The following SHTN1 variants were observed in gnomAD, a reference collection of about 807,000 sequenced individuals.
SHTN1 encodes the protein shootin 1, also known as shootin-1.
A neutral mutation model predicts 83.1 loss-of-function variants in SHTN1; 42 were observed. That is an observed-to-expected ratio of 0.51 (90% confidence interval 0.39 to 0.65). The LOEUF (loss-of-function observed/expected upper bound fraction) is 0.65. Ranked by LOEUF, SHTN1 falls within the 30% of genes least tolerant of loss-of-function variation. SHTN1 has a pLI of 0.00. For synonymous variants in SHTN1, 224 were observed against 247.7 expected (o/e 0.90, Z 0.90); for missense variants, 622 against 737.8 (o/e 0.84, Z 1.82).
intron 1 of SHTN1, among the ~76,000 whole-genome samples, chr10:117,073,058 T>C (rs911134712): frequency 6.6e-6 from 1 of 152,034 alleles, no homozygotes; most frequent in Admixed American, 6.6e-5. Flanking sequence ...CTTACAGAAA[T>C]GCAAAATGCT....
intron 9 of SHTN1, among the ~76,000 whole-genome samples, chr10:116,932,263 G>A (rs1350914047): frequency 6.6e-6 from 1 of 152,180 alleles, no homozygotes; most frequent in African/African-American, 2.4e-5. Flanking sequence ...TAGGAACCAG[G>A]CTGCACAGAA....
intron 1 of SHTN1, among the ~76,000 whole-genome samples, chr10:117,064,867 C>G (rs1852952918): frequency 1.3e-5 from 2 of 152,136 alleles, no homozygotes; most frequent in African/African-American, 4.8e-5. Context: ...GTTTCTGAAG[C>G]TGAACTATGC....
chr10:117,095,071 G>A (rs1853485939), intron 1 of SHTN1, among the ~76,000 whole-genome samples: 1 of 152,132 alleles, frequency 6.6e-6, no homozygotes, highest in Non-Finnish European at 1.5e-5. Flanking sequence ...TCGGGCCTTG[G>A]CTTTTTGTGT....
chr10:117,074,293 G>A (rs1853124491), intron 1 of SHTN1, among the ~76,000 whole-genome samples: 1 of 152,034 alleles, frequency 6.6e-6, no homozygotes, highest in Non-Finnish European at 1.5e-5. Flanking sequence ...CTGTGACAGG[G>A]TGCACTCCTT....
intron 15 of SHTN1, among the ~76,000 whole-genome samples, chr10:116,904,232 C>G (rs768353139): frequency 2.0e-5 from 3 of 152,226 alleles, no homozygotes; most frequent in Non-Finnish European, 4.4e-5. Context: ...CCTCTGTCAC[C>G]TGACTCCCAA....
intron 1 of SHTN1, among the ~76,000 whole-genome samples, chr10:116,998,929 C>T (rs1306379238): frequency 6.6e-6 from 1 of 152,044 alleles, no homozygotes; most frequent in African/African-American, 2.4e-5. Flanking sequence ...TATGTGTAAC[C>T]ATCCATACCT....
chr10:116,895,411 A>G (rs1373454820), intron 16 of SHTN1, among the ~76,000 whole-genome samples: 2 of 152,210 alleles, frequency 1.3e-5, no homozygotes, highest in Non-Finnish European at 2.9e-5. Context: ...AAAAAATTGA[A>G]ATAATTTCTT....
intron 1 of SHTN1, among the ~76,000 whole-genome samples, chr10:116,989,017 C>T (rs1018053276): frequency 6.6e-6 from 1 of 152,026 alleles, no homozygotes; most frequent in Admixed American, 6.5e-5. Context: ...TCCCACAATT[C>T]CATTTTCAAG....
intron 2 of SHTN1, among the ~76,000 whole-genome samples, chr10:117,021,749 A>G (rs1254701523): frequency 6.6e-6 from 1 of 152,218 alleles, no homozygotes; most frequent in African/African-American, 2.4e-5. Flanking sequence ...TTATAATACC[A>G]AAAACTAGAA....
At chr10:116,979,908 G>A (rs527249273) in intron 1 of SHTN1, among the ~76,000 whole-genome samples, 1 of 152,162 alleles carries the variant, frequency 6.6e-6, no homozygotes, top group African/African-American at 2.4e-5. Flanking sequence ...ATTTATGAAG[G>A]ATTCAGCTAA....
chr10:117,119,642 G>A (rs1293932876), intron 1 of SHTN1, among the ~76,000 whole-genome samples: 1 of 152,146 alleles, frequency 6.6e-6, no homozygotes, highest in African/African-American at 2.4e-5. Context: ...GCTACCATAT[G>A]ATACAGCAAG....
At chr10:117,064,709 C>T (rs1331840225) in intron 1 of SHTN1, among the ~76,000 whole-genome samples, 6 of 151,772 alleles carry the variant, frequency 4.0e-5, no homozygotes, top group African/African-American at 1.5e-4. Context: ...CCAAACCCCA[C>T]TTGTCCCACC....
At chr10:116,959,593 T>C (rs1372948002) in intron 4 of SHTN1, among the ~76,000 whole-genome samples, 1 of 152,186 alleles carries the variant, frequency 6.6e-6, no homozygotes, top group African/African-American at 2.4e-5. Context: ...ATAATGTACT[T>C]CTGATGAGAT....
chr10:117,071,240 T>C (rs1403620816), intron 1 of SHTN1, among the ~76,000 whole-genome samples: 1 of 152,200 alleles, frequency 6.6e-6, no homozygotes, highest in Non-Finnish European at 1.5e-5. Flanking sequence ...ACACTTTGCA[T>C]TGGTGAAATA....
intron 1 of SHTN1, among the ~76,000 whole-genome samples, chr10:117,048,787 A>C (rs567175323): frequency 6.6e-6 from 1 of 152,306 alleles, no homozygotes; most frequent in South Asian, 2.1e-4. Context: ...GGTAATACCC[A>C]GCCATTAGCA....
upstream of SHTN1, chr10:117,005,223 C>T (rs1018651177): frequency 6.7e-7 from 1 of 1,499,446 alleles, no homozygotes; most frequent in African/African-American, 1.4e-5. Context: ...CTCCTCCTGG[C>T]GCGGAGCGCG....
chr10:116,912,646 GA>G (rs1034724031), intron 13 of SHTN1, among the ~76,000 whole-genome samples: 2 of 152,110 alleles, frequency 1.3e-5, no homozygotes, highest in Admixed American at 1.3e-4. Flanking sequence ...TAATTTAATG[GA>G]GGGAAAATTT....
At chr10:117,078,203 A>G (rs1021914483) in intron 1 of SHTN1, among the ~76,000 whole-genome samples, 15 of 152,204 alleles carry the variant, frequency 9.9e-5, no homozygotes, top group African/African-American at 3.6e-4. Flanking sequence ...TTGAAGAACT[A>G]TAAGAGAAGG....
In SHTN1 at chr10:116,886,516, T is replaced by TG. The variant is rs572392240; in HGVS notation, c.1723dup (p.Gln575ProfsTer15). 6.2e-6 allele frequency: 10 copies of TG among 1,614,176 alleles called. No individual in the cohort carries two copies. The highest frequency in any genetic ancestry group is 8.5e-6 in the Non-Finnish European group (10 of 1,180,032). On this transcript the variant is annotated frameshift_variant, in exon 17 of 17. Transcript: ENST00000355371. LOFTEE classifies it high-confidence loss of function. Reference sequence around the variant, plus strand: ...ATCTAAAACTACAACTGGTTCGGCTTGTTTTTCACCGTCAATGTATTTTTT... The same window carrying TG: ...ATCTAAAACTACAACTGGTTCGGCTTGGTTTTTCACCGTCAATGTATTTTTT...
Sources: allele counts gnomAD v4.1 joint callset (sites outside exome capture counted in the v4.1 genomes callset), GRCh38; gene constraint gnomAD v4.1.1; transcripts MANE v1.5; gene names NCBI Gene and HGNC (gene_info 2026-07-23, HGNC 2026-07-21).